DDX4: variants seen among roughly 807,000 people sequenced by gnomAD.
The protein encoded by DDX4 is DEAD-box helicase 4.
DDX4 carries 25 observed loss-of-function variants against 100.0 expected under a neutral mutation model. The ratio of observed to expected loss-of-function variants is 0.25; its 90% CI spans 0.18 to 0.35. The LOEUF is 0.35. Among genes scored for constraint, DDX4 ranks in the 10% least tolerant of loss-of-function variants. The pLI is 1.00. For synonymous variants in DDX4, 259 were observed against 275.7 expected (o/e 0.94, Z 0.60); for missense variants, 635 against 882.4 (o/e 0.72, Z 3.55).
chr5:55,814,971 G>T lies in DDX4; in HGVS notation c.1786G>T (p.Ala596Ser). 6.2e-7 allele frequency: 1 copy of T among 1,614,142 alleles called. No homozygotes were observed. The highest frequency in any genetic ancestry group is 8.5e-7 in the Non-Finnish European group (1 of 1,179,980). The change falls in exon 20 of 22, where the codon GCT becomes TCT. Residue 596 changes from alanine (A) to serine (S), a missense_variant. Physicochemically the swap from Ala to Ser is moderately conservative, Grantham distance 99. Around this residue, in one of 4 missense-constraint regions of DDX4, gnomAD observed 115 missense variants for 224.7 expected, o/e 0.51. Transcript: ENST00000505374. ...FRFGKCPVLV[A>S]TSVAARGLDI... ...CTTTGGAAAGTGCCCAGTTCTTGTT[G>T]CTACTTCAGTAGCTGCCAGAGGGCT...
chr5:55,798,616 T>G, intron 18 of DDX4, 45 bp downstream of exon 18: 4 of 1,523,918 alleles, frequency 2.6e-6, no homozygotes, highest in Non-Finnish European at 3.5e-6. Context: ...TTGATTTTTT[T>G]TAATGAATAA....
Position 55,746,372 on chromosome 5 carries a change from G to T in DDX4, c.127+151G>T, listed in dbSNP as rs923581653. ...TCTGATTTGGATATTGTGGAATGGG[G>T]GTACTTCTAGTTAGAGGAATTGAGA... is the stretch of plus-strand genomic sequence containing the variant. On this transcript the variant is annotated intron_variant, in intron 3 of 21. Transcript: ENST00000505374. The T allele has an allele frequency of 1.1e-5, 6 of 562,792 alleles. No individual in the cohort carries two copies. The East Asian group carries it at 1.8e-4, about 17-fold the overall frequency. The allele number at this position is 562,792 out of a possible 1,614,324, so 34.9% of individuals were successfully genotyped here. A position where few individuals can be genotyped will look rare whatever the true frequency, so the allele number is the denominator to read the frequency against.
chr5:55,797,146 A>C (rs1743017027), intron 17 of DDX4, among the ~76,000 whole-genome samples: 1 of 152,132 alleles, frequency 6.6e-6, no homozygotes, highest in South Asian at 2.1e-4. Context: ...GCCCCGCCTC[A>C]AACTGGAGGA....
intron 18 of DDX4, 110 bp downstream of exon 18, chr5:55,798,681 G>A (rs570804295): frequency 2.0e-6 from 2 of 1,018,464 alleles, no homozygotes; most frequent in Non-Finnish European, 2.7e-6. Context: ...TTTGTTTTAA[G>A]TCTCTCTCCC....
chr5:55,794,589 A>G (rs1277910871), intron 17 of DDX4, among the ~76,000 whole-genome samples: 1 of 151,922 alleles, frequency 6.6e-6, no homozygotes, highest in East Asian at 1.9e-4. Flanking sequence ...CTCTTTTTAG[A>G]TTCACCCTGA....
chr5:55,796,858 G>A (rs185413618), intron 17 of DDX4, among the ~76,000 whole-genome samples: 214 of 19,556 alleles, frequency 0.011, 1 homozygote, highest in African/African-American at 0.019. Context: ...TTTTTTTTTT[G>A]GAGACAAGGT....
In DDX4 at chr5:55,754,036, T is replaced by A. The variant is rs1352641853; in HGVS notation, c.128-6164T>A. On this transcript the variant is annotated intron_variant, in intron 3 of 21. Coordinates refer to ENST00000505374, the MANE Select transcript of DDX4 (RefSeq NM_024415.3). ...TACATTGATTTTGTATCCTGAGACT[T>A]TGCTGAAGTTGCTTATCAGCTTAAG... Among the ~76,000 whole-genome samples, 4 of 134,808 alleles carry A rather than the reference T, an allele frequency of 3.0e-5. No homozygotes were observed. The South Asian group carries it at 8.0e-4, about 27-fold the overall frequency. 88.4% of individuals were successfully genotyped at this position (134,808 alleles called of 152,430 possible).
chr5:55,761,717 C>T (rs1174884952), intron 4 of DDX4, among the ~76,000 whole-genome samples: 8 of 152,130 alleles, frequency 5.3e-5, no homozygotes, highest in African/African-American at 1.9e-4. Flanking sequence ...AAGTGATTCT[C>T]CTGCCTCAGC....
rs779576435 is a variant in DDX4 at position 55,787,904 on chromosome 5, G to A, written c.1076G>A (p.Arg359His). 4.3e-6 allele frequency: 7 copies of A among 1,613,814 alleles called. No homozygotes were observed. Among genetic ancestry groups the A allele is most frequent in the Non-Finnish European group, 5.9e-6 (7 of 1,179,962 alleles). Residue 359 changes from arginine to histidine, a missense_variant, in exon 15 of 22, where the codon CGT (arginine) becomes CAT (histidine). Physicochemically the swap from Arg to His is conservative, Grantham distance 29 (BLOSUM62 0). This residue lies in a region of DDX4 where 446 missense variants were observed against 540.8 expected (regional missense o/e 0.82). Transcript: ENST00000505374. ...HMMHDGITAS[R>H]FKELQEPECI... ...ATGCATGATGGAATAACTGCCAGTCGTTTTAAAGAGTTGCAGGAACCAGAG... is the reference window on the plus strand; with the variant it reads ...ATGCATGATGGAATAACTGCCAGTCATTTTAAAGAGTTGCAGGAACCAGAG...
At chr5:55,780,169 T>G in intron 8 of DDX4, 104 bp downstream of exon 8, 7,146 of 1,157,674 alleles carry the variant, frequency 6.2e-3, no homozygotes, top group Non-Finnish European at 7.9e-3. Context: ...TATATGAGAA[T>G]AGCTTAGCTC....
intron 14 of DDX4, among the ~76,000 whole-genome samples, chr5:55,786,877 C>T (rs555061196): frequency 1.3e-5 from 2 of 152,262 alleles, no homozygotes; most frequent in African/African-American, 4.8e-5. Flanking sequence ...GTGTTGCTGT[C>T]CATAGATGTT....
At chr5:55,760,408 T>C (rs1310914057) in intron 4 of DDX4, 131 bp downstream of exon 4, 2 of 891,050 alleles carry the variant, frequency 2.2e-6, no homozygotes, top group African/African-American at 1.8e-5. Context: ...GTTGAGATAA[T>C]GAGTTCATCA....
chr5:55,809,666 A>G (rs1743991763), intron 18 of DDX4, among the ~76,000 whole-genome samples: 1 of 152,194 alleles, frequency 6.6e-6, no homozygotes, highest in South Asian at 2.1e-4. Flanking sequence ...CAGAACATTG[A>G]AAAAGCACAA....
intron 3 of DDX4, among the ~76,000 whole-genome samples, chr5:55,747,406 T>C (rs1162604247): frequency 2.0e-5 from 3 of 151,938 alleles, no homozygotes; most frequent in Non-Finnish European, 4.4e-5. Context: ...AATTAAAAAT[T>C]AGCTGGTCAT....
chr5:55,756,190 A>T (rs943762633), intron 3 of DDX4, among the ~76,000 whole-genome samples: 1 of 152,056 alleles, frequency 6.6e-6, no homozygotes, highest in African/African-American at 2.4e-5. Context: ...CTTTCGGTGG[A>T]TATAAAAATC....
intron 4 of DDX4, among the ~76,000 whole-genome samples, chr5:55,761,287 T>C (rs2111788413): frequency 6.6e-6 from 1 of 152,254 alleles, no homozygotes; most frequent in African/African-American, 2.4e-5. Flanking sequence ...ATTAGAAATA[T>C]TTTAATATTA....
intron 5 of DDX4, 71 bp from the exon 6 acceptor site, chr5:55,763,943 A>T (rs2111817064): frequency 9.6e-7 from 1 of 1,039,326 alleles, no homozygotes; most frequent in Middle Eastern, 2.1e-4. Context: ...CATCATAACT[A>T]GTAGTTCCTG....
intron 3 of DDX4, among the ~76,000 whole-genome samples, chr5:55,758,277 A>G (rs1276560031): frequency 1.3e-5 from 2 of 152,170 alleles, no homozygotes; most frequent in African/African-American, 4.8e-5. Flanking sequence ...GATAAACCCA[A>G]TTAGTCATAA....
In DDX4 at chr5:55,739,747, C is replaced by G. The variant is rs894368353; in HGVS notation, c.69+715C>G. On this transcript the variant is annotated intron_variant, in intron 2 of 21. Transcript: ENST00000505374. ...TTCAAGTTTTGCCTTAGTGGAAGTT[C>G]TTATTTTAGACAAAAATATAAAATA... Among the ~76,000 whole-genome samples the G allele has an allele frequency of 2.6e-5, 4 of 151,934 alleles. No individual in the cohort carries two copies. The East Asian group carries it at 5.8e-4, about 22-fold the overall frequency.
Sources: allele counts gnomAD v4.1 joint callset (sites outside exome capture counted in the v4.1 genomes callset), GRCh38; gene constraint gnomAD v4.1.1; regional missense constraint gnomAD v4.1.1; transcripts MANE v1.5; gene names NCBI Gene and HGNC (gene_info 2026-07-23, HGNC 2026-07-21).